OR5AN1: variants seen among roughly 807,000 people sequenced by gnomAD.
OR5AN1 encodes the protein olfactory receptor 5AN1.
For missense variants in OR5AN1, 476 were observed against 368.9 expected (o/e 1.29, Z -2.38); for synonymous variants, 167 against 131.8 (o/e 1.27, Z -1.83).
intron 1 of OR5AN1, 114 bp from the exon 2 acceptor site, chr11:59,364,332 C>T (rs1299407251): frequency 7.8e-6 from 5 of 640,772 alleles, no homozygotes; most frequent in East Asian, 2.8e-5. Flanking sequence ...AAGAGTGAAA[C>T]ATTTGTCCAT....
In OR5AN1 at chr11:59,365,232, T is replaced by G. The variant is rs1348072111; in HGVS notation, c.774T>G (p.Phe258Leu). 5 of 1,614,034 alleles carry G rather than the reference T, an allele frequency of 3.1e-6. No homozygotes were observed. The Admixed American group carries it at 6.7e-5, about 22-fold the overall frequency. The change falls in exon 2 of 2, where the codon TTT (phenylalanine) becomes TTG (leucine). Residue 258 changes from phenylalanine (F) to leucine (L), a missense_variant. Coordinates refer to ENST00000641998, the MANE Select transcript of OR5AN1 (RefSeq NM_001004729.2). Reference sequence around the variant, plus strand: ...CCCTCTTCTATACATCAGGAATCTTTGTCTATTTGAGTTCCAGCTCTGGAG... The same window carrying G: ...CCCTCTTCTATACATCAGGAATCTTGGTCTATTTGAGTTCCAGCTCTGGAG... ...AVSLFYTSGI[F>L]VYLSSSSGGS... is the part of the protein sequence containing the mutation.
At position 59,371,037 on chromosome 11, in the gene OR5AN1, T is replaced by C. The variant is rs1401728523; in HGVS notation, c.*5643T>C. 1.3e-5 allele frequency: 2 copies of C among 152,212 alleles called. No homozygotes were observed. Among genetic ancestry groups the C allele is most frequent in the Non-Finnish European group, 2.9e-5 (2 of 68,040 alleles). The allele number at this position is 152,212 out of a possible 1,614,324, so 9.4% of individuals were successfully genotyped here. Reference sequence around the variant, plus strand: ...GTTATCTACACACAATTGGGTTCTTTTGCTTTAATATTTGTGTGTATGTGG... The same window carrying C: ...GTTATCTACACACAATTGGGTTCTTCTGCTTTAATATTTGTGTGTATGTGG... On this transcript the variant is annotated 3_prime_UTR_variant, in exon 2 of 2. Transcript: ENST00000641998.
chr11:59,365,310 C>T lies in OR5AN1; in HGVS notation c.852C>T (p.Pro284=). Residue 284 remains proline (P), a synonymous_variant, in exon 2 of 2, where the codon CCC becomes CCT. Coordinates refer to ENST00000641998, the MANE Select transcript of OR5AN1 (RefSeq NM_001004729.2). ...CTGTTTTCTACACTGTGGTCATTCC[C>T]ATGTTAAATCCCTTGATTTACAGTT... The part of the protein sequence containing the change: ...FASVFYTVVI[P]MLNPLIYSLR... 6.2e-7 allele frequency: 1 copy of T among 1,612,660 alleles called. No homozygotes were observed. The highest frequency in any genetic ancestry group is 1.7e-5 in the Admixed American group (1 of 59,946).
intron 1 of OR5AN1, among the ~76,000 whole-genome samples, chr11:59,363,328 G>T (rs1212573141): frequency 6.6e-6 from 1 of 152,078 alleles, no homozygotes; most frequent in Admixed American, 6.6e-5. Flanking sequence ...TTATGTCACT[G>T]GTACAAGTTA....
At chr11:59,361,593 T>A (rs1857463118) in intron 1 of OR5AN1, among the ~76,000 whole-genome samples, 1 of 152,206 alleles carries the variant, frequency 6.6e-6, no homozygotes, top group Non-Finnish European at 1.5e-5. Context: ...GGCCTTATTG[T>A]TTTAAGCCCT....
chr11:59,365,217 T>C lies in OR5AN1; in HGVS notation c.759T>C (p.Tyr253=). 5.0e-6 allele frequency: 8 copies of C among 1,614,114 alleles called. No homozygotes were observed. The highest frequency in any genetic ancestry group is 5.9e-6 in the Non-Finnish European group (7 of 1,179,982). Residue 253 remains tyrosine (Y), a synonymous_variant, in exon 2 of 2, where the codon TAT becomes TAC. Coordinates refer to ENST00000641998, the MANE Select transcript of OR5AN1 (RefSeq NM_001004729.2). The part of the protein sequence containing the change: ...ASHLTAVSLF[Y]TSGIFVYLSS... ...ATCTAACAGCTGTTTCCCTCTTCTATACATCAGGAATCTTTGTCTATTTGA... is the reference window on the plus strand; with the variant it reads ...ATCTAACAGCTGTTTCCCTCTTCTACACATCAGGAATCTTTGTCTATTTGA...
Position 59,366,680 on chromosome 11 carries a change from G to A in OR5AN1, c.*1286G>A, listed in dbSNP as rs950255311. ...AATTGAGATATTATATATCTATTTTGGAGTTGTTTAGGATTATTGAGCTGA... is the reference window on the plus strand; with the variant it reads ...AATTGAGATATTATATATCTATTTTAGAGTTGTTTAGGATTATTGAGCTGA... On this transcript the variant is annotated 3_prime_UTR_variant, in exon 2 of 2. Transcript: ENST00000641998. 1 of 152,126 alleles carries A rather than the reference G, an allele frequency of 6.6e-6. No individual in the cohort carries two copies. The highest frequency in any genetic ancestry group is 2.1e-4 in the South Asian group (1 of 4,826). The allele number at this position is 152,126 out of a possible 1,614,324, so 9.4% of individuals were successfully genotyped here.
At chr11:59,359,521 A>T (rs1448967332) in intron 1 of OR5AN1, 1 of 152,114 alleles carries the variant, frequency 6.6e-6, no homozygotes, top group Non-Finnish European at 1.5e-5. Flanking sequence ...TTTTAATTTA[A>T]TTTTTGCTCT....
intron 1 of OR5AN1, among the ~76,000 whole-genome samples, chr11:59,361,992 G>A (rs1391175549): frequency 2.6e-5 from 4 of 151,986 alleles, no homozygotes; most frequent in Non-Finnish European, 5.9e-5. Context: ...GTTTGTGTGT[G>A]TGTGTGTGTG....
rs1278160256 is a variant in OR5AN1, at chr11:59,367,617, TGTC to T, written c.*2224_*2226del. On this transcript the variant is annotated 3_prime_UTR_variant, in exon 2 of 2. Transcript: ENST00000641998. ...AGGAGCTCAAAGGGAAGAGCTGGGCTGTCATCTTTGCTGTTCAGATGCCTTAGC... is the reference window on the plus strand; with the variant it reads ...AGGAGCTCAAAGGGAAGAGCTGGGCTATCTTTGCTGTTCAGATGCCTTAGC... 2.0e-5 allele frequency: 3 copies of T among 152,298 alleles called. No individual in the cohort carries two copies. The highest frequency in any genetic ancestry group is 1.5e-5 in the Non-Finnish European group (1 of 68,102). 9.4% of individuals were successfully genotyped at this position (152,298 alleles called of 1,614,324 possible).
At chr11:59,359,536 G>T (rs1590579428) in intron 1 of OR5AN1, 1 of 151,960 alleles carries the variant, frequency 6.6e-6, no homozygotes, top group Admixed American at 6.6e-5. Context: ...TGCTCTTCAG[G>T]ATTCTGTTTT....
chr11:59,362,144 T>C (rs1857471850), intron 1 of OR5AN1, among the ~76,000 whole-genome samples: 1 of 152,180 alleles, frequency 6.6e-6, no homozygotes, highest in African/African-American at 2.4e-5. Flanking sequence ...TGAGTGCCCA[T>C]TCCTTACTGA....
chr11:59,359,937 T>C (rs76463569), intron 1 of OR5AN1: 6 of 152,338 alleles, frequency 3.9e-5, no homozygotes, highest in African/African-American at 1.4e-4. Flanking sequence ...ATCACCTATA[T>C]TCATCTAGTA....
In OR5AN1 at chr11:59,365,777, C is replaced by T. The variant is rs1241514642; in HGVS notation, c.*383C>T. The T allele has an allele frequency of 5.8e-6, 1 of 172,398 alleles. No individual in the cohort carries two copies. Among genetic ancestry groups the T allele is most frequent in the Non-Finnish European group, 1.2e-5 (1 of 81,872 alleles). The allele number at this position is 172,398 out of a possible 1,614,324, so 10.7% of individuals were successfully genotyped here. ...CAGAAATGAGGCCTGGCACAGACCC[C>T]CAGGAGTTCAGAAACATCATCTCCC... On this transcript the variant is annotated 3_prime_UTR_variant, in exon 2 of 2. Transcript: ENST00000641998.
chr11:59,363,326 C>T (rs1307971846), intron 1 of OR5AN1, among the ~76,000 whole-genome samples: 1 of 152,138 alleles, frequency 6.6e-6, no homozygotes, highest in Non-Finnish European at 1.5e-5. Context: ...TTTTATGTCA[C>T]TGGTACAAGT....
chr11:59,366,386 G>A lies in OR5AN1; in HGVS notation c.*992G>A, dbSNP rs1857534409. 1 of 152,212 alleles carries A rather than the reference G, an allele frequency of 6.6e-6. No individual in the cohort carries two copies. Among genetic ancestry groups the A allele is most frequent in the Admixed American group, 6.5e-5 (1 of 15,282 alleles). The allele number at this position is 152,212 out of a possible 1,614,324, so 9.4% of individuals were successfully genotyped here. On this transcript the variant is annotated 3_prime_UTR_variant, in exon 2 of 2. Transcript: ENST00000641998. ...CTGCAGTCATGTTCAGAGAAGTCAT[G>A]CATTTAAGCCTACTCTACATCAGCC...
chr11:59,370,861 C>T lies in OR5AN1; in HGVS notation c.*5467C>T, dbSNP rs913617306. On this transcript the variant is annotated 3_prime_UTR_variant, in exon 2 of 2. Transcript: ENST00000641998. Reference sequence around the variant, plus strand: ...GATACATCAGAGGAGTTCCTGAACTCCTTAAAATTGTTGGAAAAATATTCT... The same window carrying T: ...GATACATCAGAGGAGTTCCTGAACTTCTTAAAATTGTTGGAAAAATATTCT... 2.6e-5 allele frequency: 4 copies of T among 152,142 alleles called. No individual in the cohort carries two copies. Among genetic ancestry groups the T allele is most frequent in the African/African-American group, 7.2e-5 (3 of 41,436 alleles). The allele number at this position is 152,142 out of a possible 1,614,324, so 9.4% of individuals were successfully genotyped here.
intron 1 of OR5AN1, among the ~76,000 whole-genome samples, chr11:59,360,613 G>T (rs1383188404): frequency 6.6e-6 from 1 of 152,070 alleles, no homozygotes; most frequent in Non-Finnish European, 1.5e-5. Flanking sequence ...CCCAGTGTGT[G>T]TTACTCCTCT....
chr11:59,360,011 A>G (rs1207885043), intron 1 of OR5AN1: 1 of 152,212 alleles, frequency 6.6e-6, no homozygotes, highest in Non-Finnish European at 1.5e-5. Flanking sequence ...GGAGATGGTG[A>G]ACATATGCAA....
Sources: gnomAD v4.1 joint callset for allele counts (sites outside exome capture counted in the v4.1 genomes callset) on GRCh38, gnomAD v4.1.1 for gene constraint, MANE v1.5 for transcripts, NCBI Gene and HGNC (gene_info 2026-07-23, HGNC 2026-07-21) for gene names.